The following P3H2 variants were observed in gnomAD, a reference collection of about 807,000 sequenced individuals.
P3H2 encodes the protein leprecan-like 1.
Under a neutral mutation model 87.0 loss-of-function variants are expected in P3H2, and 80 were observed. The ratio of observed to expected loss-of-function variants is 0.92; its 90% CI spans 0.77 to 1.11. The LOEUF is 1.11. P3H2 is among the 50% of genes least tolerant of loss of function. The pLI, the probability that P3H2 is intolerant of heterozygous loss-of-function variation, is 0.00. For missense variants in P3H2, 1,001 were observed against 923.9 expected, an observed-to-expected ratio of 1.08 and a Z score of -1.08; for synonymous variants, 367 against 359.3, an observed-to-expected ratio of 1.02 and a Z score of -0.24.
intron 1 of P3H2, among the ~76,000 whole-genome samples, chr3:190,104,651 C>A (rs148550890): frequency 3.0e-4 from 46 of 152,212 alleles, no homozygotes; most frequent in African/African-American, 1.1e-3. Flanking sequence ...TAGTATATCA[C>A]GATATATTCG....
At chr3:190,044,079 C>T (rs1725724137) in intron 1 of P3H2, among the ~76,000 whole-genome samples, 1 of 152,150 alleles carries the variant, frequency 6.6e-6, no homozygotes, top group African/African-American at 2.4e-5. Context: ...TTTTAGTTAG[C>T]ATATTGCACA....
intron 7 of P3H2, among the ~76,000 whole-genome samples, chr3:189,984,103 C>A (rs1052834615): frequency 6.6e-6 from 1 of 151,988 alleles, no homozygotes; most frequent in Non-Finnish European, 1.5e-5. Context: ...AAAAAATGAG[C>A]TTTCTTGATT....
At chr3:189,972,784 A>T in intron 11 of P3H2, 90 bp downstream of exon 11, 1 of 1,345,710 alleles carries the variant, frequency 7.4e-7, no homozygotes, top group Non-Finnish European at 1.1e-6. Flanking sequence ...CTAAAATATT[A>T]ATCTACCATG....
chr3:190,107,136 G>T (rs376032328), intron 1 of P3H2, among the ~76,000 whole-genome samples: 39 of 152,174 alleles, frequency 2.6e-4, no homozygotes, highest in African/African-American at 9.1e-4. Context: ...GTCTTCAAAG[G>T]CTGACAATTT....
chr3:189,985,687 C>T (rs1188445594), intron 6 of P3H2, among the ~76,000 whole-genome samples: 2 of 150,752 alleles, frequency 1.3e-5, no homozygotes, highest in African/African-American at 4.9e-5. Context: ...AGTTTAAAAC[C>T]TTATATCCTT....
At chr3:190,048,094 G>T (rs1215460212) in intron 1 of P3H2, among the ~76,000 whole-genome samples, 1 of 152,144 alleles carries the variant, frequency 6.6e-6, no homozygotes, top group Non-Finnish European at 1.5e-5. Flanking sequence ...CAGAAGAGGA[G>T]CAGTTTCACC....
upstream of P3H2, chr3:190,120,922 C>T (rs956584571): frequency 3.7e-6 from 3 of 815,146 alleles, no homozygotes; most frequent in Non-Finnish European, 5.3e-6. Flanking sequence ...GCCAGCCGCT[C>T]TTAAAGGGAC....
rs1276668983 is a variant in P3H2 at position 190,120,726 on chromosome 3, C to T, written c.6G>A (p.Arg2=). ...GCAGCGGCGGCGCCCAGATGCGCTC[C>T]CGCATCCTCCGCCTCAGAGAGGCGC... M[R]ERIWAPPLLL... is the part of the protein sequence containing the mutation. Residue 2 remains arginine (R), a synonymous_variant, in exon 1 of 15, where the codon CGG becomes CGA. Transcript: ENST00000319332. The T allele has an allele frequency of 2.0e-6, 3 of 1,520,288 alleles. No individual in the cohort carries two copies. The African/African-American group carries it at 4.2e-5, about 21-fold the overall frequency. The allele number at this position is 1,520,288 out of a possible 1,614,324, so 94.2% of individuals were successfully genotyped here. A position where few individuals can be genotyped will look rare whatever the true frequency, so the allele number is the denominator to read the frequency against.
intron 1 of P3H2, among the ~76,000 whole-genome samples, chr3:190,036,197 TCTGC>T (rs1725419116): frequency 6.6e-6 from 1 of 152,188 alleles, no homozygotes; most frequent in Admixed American, 6.5e-5. Context: ...ACCACATCAC[TCTGC>T]CTTTTCTCCC....
intron 1 of P3H2, among the ~76,000 whole-genome samples, chr3:190,075,028 C>T (rs1333231268): frequency 6.6e-6 from 1 of 152,208 alleles, no homozygotes; most frequent in African/African-American, 2.4e-5. Flanking sequence ...CCTCCCTCAG[C>T]TATCATTCAT....
At chr3:190,007,963 C>CATATAT (rs1385863469) in intron 1 of P3H2, among the ~76,000 whole-genome samples, 1 of 19,900 alleles carries the variant, frequency 5.0e-5, no homozygotes. Flanking sequence ...TTTGTTGACA[C>CATATAT]ACATATATAT....
chr3:190,089,150 G>A (rs764584223), intron 1 of P3H2, among the ~76,000 whole-genome samples: 4 of 152,122 alleles, frequency 2.6e-5, no homozygotes, highest in Non-Finnish European at 2.9e-5. Flanking sequence ...TGAATCAGAT[G>A]TTGAAAATTC....
At position 190,039,265 on chromosome 3, in the gene P3H2, A is replaced by G. The variant is rs185838409; in HGVS notation, c.481-43823T>C. Among the ~76,000 whole-genome samples the G allele has an allele frequency of 2.6e-3, 391 of 152,260 alleles. 1 individual carries two copies. The highest frequency in any genetic ancestry group is 0.017 in the South Asian group (82 of 4,826). ...GGAGCATATGATTGTTGAGTCCTCC[A>G]CTAATAGTAACAGAATCCCCCAAAC... is the stretch of plus-strand genomic sequence containing the variant. On this transcript the variant is annotated intron_variant, in intron 1 of 14. Transcript: ENST00000319332.
chr3:190,059,536 T>C (rs1276296298), intron 1 of P3H2, among the ~76,000 whole-genome samples: 6 of 152,148 alleles, frequency 3.9e-5, no homozygotes, highest in Admixed American at 2.6e-4. Context: ...AGCTCTGAAC[T>C]ACCAGAATTG....
intron 1 of P3H2, among the ~76,000 whole-genome samples, chr3:190,076,899 TCC>T (rs1370073482): frequency 6.6e-6 from 1 of 152,198 alleles, no homozygotes; most frequent in African/African-American, 2.4e-5. Context: ...AAGTTAAAAC[TCC>T]TCCAGCTTAG....
Position 190,029,097 on chromosome 3 carries a change from C to A in P3H2, c.481-33655G>T, listed in dbSNP as rs193224611. Among the ~76,000 whole-genome samples, 40 of 152,274 alleles carry A rather than the reference C, an allele frequency of 2.6e-4. No individual in the cohort carries two copies. The East Asian group carries it at 7.5e-3, about 29-fold the overall frequency. On this transcript the variant is annotated intron_variant, in intron 1 of 14. Coordinates refer to ENST00000319332, the MANE Select transcript of P3H2 (RefSeq NM_018192.4). ...AATTCTAGTGTTCCGGCCTGAGGTTCTTAAGACAATATTTGATTATCTCTT... is the reference window on the plus strand; with the variant it reads ...AATTCTAGTGTTCCGGCCTGAGGTTATTAAGACAATATTTGATTATCTCTT...
At chr3:190,046,131 A>G (rs977252064) in intron 1 of P3H2, among the ~76,000 whole-genome samples, 1 of 151,988 alleles carries the variant, frequency 6.6e-6, no homozygotes, top group African/African-American at 2.4e-5. Context: ...TCAAAAAAAA[A>G]AAAAAAAAAG....
chr3:190,083,397 G>C (rs1189425585), intron 1 of P3H2, among the ~76,000 whole-genome samples: 1 of 152,066 alleles, frequency 6.6e-6, no homozygotes, highest in Admixed American at 6.6e-5. Flanking sequence ...CTCAACTCCT[G>C]GTGTGTGCTT....
At chr3:189,988,583 A>G (rs984544816) in intron 4 of P3H2, among the ~76,000 whole-genome samples, 8 of 152,184 alleles carry the variant, frequency 5.3e-5, no homozygotes, top group African/African-American at 1.9e-4. Context: ...ATAATAAATA[A>G]TGTTTTGTTT....
Sources: allele counts gnomAD v4.1 joint callset (sites outside exome capture counted in the v4.1 genomes callset), GRCh38; gene constraint gnomAD v4.1.1; transcripts MANE v1.5; gene names NCBI Gene and HGNC (gene_info 2026-07-23, HGNC 2026-07-21).